The following B3GALT1 variants were observed in gnomAD, a reference collection of about 807,000 sequenced individuals.
B3GALT1 encodes UDP-Gal:betaGlcNAc beta 1,3-galactosyltransferase, polypeptide 1.
B3GALT1 carries 10 observed loss-of-function variants against 23.2 expected under a neutral mutation model. The observed-to-expected ratio is 0.43, with a 90% CI of 0.27 to 0.73. The LOEUF (loss-of-function observed/expected upper bound fraction) is 0.73. B3GALT1 is among the 30% of genes least tolerant of loss of function. The pLI is 0.21. For synonymous variants in B3GALT1, 156 were observed against 141.5 expected (o/e 1.10, Z -0.73); for missense variants, 299 against 405.4 (o/e 0.74, Z 2.25).
chr2:167,429,296 A>G (rs956842789), intron 1 of B3GALT1, among the ~76,000 whole-genome samples: 1 of 151,400 alleles, frequency 6.6e-6, no homozygotes, highest in Non-Finnish European at 1.5e-5. Flanking sequence ...AAAAAAAAAA[A>G]AAAATAAGAA....
At position 167,699,776 on chromosome 2, in the gene B3GALT1, G is replaced by A. The variant is rs565963547; in HGVS notation, c.-352+52810G>A. Among the ~76,000 whole-genome samples the A allele has an allele frequency of 5.9e-5, 9 of 152,112 alleles. No individual in the cohort carries two copies. In the East Asian group the frequency reaches 1.4e-3, roughly 23 times the overall value. On this transcript the variant is annotated intron_variant, in intron 3 of 4. Transcript: ENST00000392690. ...TGCCCAGGCTGGACTACAATGATGC[G>A]ATCTCGGCTCACTACAACCTCCACC...
chr2:167,401,643 T>G (rs1698194519), intron 1 of B3GALT1, among the ~76,000 whole-genome samples: 1 of 152,182 alleles, frequency 6.6e-6, no homozygotes, highest in South Asian at 2.1e-4. Context: ...TAGAATTCTC[T>G]GTCACTTTTG....
intron 2 of B3GALT1, among the ~76,000 whole-genome samples, chr2:167,629,981 C>T (rs1271068571): frequency 3.3e-5 from 5 of 149,670 alleles, no homozygotes; most frequent in Non-Finnish European, 7.4e-5. Context: ...TAAGTATTTT[C>T]CAACTCTAAA....
At chr2:167,535,010 G>A (rs1180753020) in intron 2 of B3GALT1, among the ~76,000 whole-genome samples, 2 of 152,180 alleles carry the variant, frequency 1.3e-5, no homozygotes, top group Admixed American at 1.3e-4. Context: ...AAAGCTAGCA[G>A]GTGGCAGAGC....
At chr2:167,587,729 A>G (rs1181100466) in intron 2 of B3GALT1, among the ~76,000 whole-genome samples, 2 of 152,222 alleles carry the variant, frequency 1.3e-5, no homozygotes, top group South Asian at 2.1e-4. Context: ...CATTTGAATT[A>G]CATCACCAAA....
At chr2:167,831,746 G>A (rs890379699) in intron 4 of B3GALT1, among the ~76,000 whole-genome samples, 6 of 152,180 alleles carry the variant, frequency 3.9e-5, no homozygotes, top group Admixed American at 3.3e-4. Context: ...AAATGAGGAA[G>A]AGAGATCAGA....
intron 2 of B3GALT1, among the ~76,000 whole-genome samples, chr2:167,514,477 C>T (rs1227110): frequency 0.046 from 7,054 of 152,148 alleles, 543 homozygotes; most frequent in African/African-American, 0.16. Flanking sequence ...TTGCAATCTC[C>T]CTTTAATGTC....
At chr2:167,387,454 T>G (rs541474711) in intron 1 of B3GALT1, among the ~76,000 whole-genome samples, 1 of 152,290 alleles carries the variant, frequency 6.6e-6, no homozygotes, top group African/African-American at 2.4e-5. Flanking sequence ...TGGCTTCTCT[T>G]TTATACATTC....
At chr2:167,595,427 A>C (rs2105419185) in intron 2 of B3GALT1, among the ~76,000 whole-genome samples, 1 of 152,362 alleles carries the variant, frequency 6.6e-6, no homozygotes, top group African/African-American at 2.4e-5. Flanking sequence ...GTTAAATCAT[A>C]GGTGACTAAA....
chr2:167,751,733 A>G (rs1687742766), intron 3 of B3GALT1, among the ~76,000 whole-genome samples: 1 of 152,150 alleles, frequency 6.6e-6, no homozygotes, highest in Non-Finnish European at 1.5e-5. Flanking sequence ...TTCACAGCTC[A>G]TTTAGTCATC....
At chr2:167,805,044 C>T (rs1376287446) in intron 3 of B3GALT1, among the ~76,000 whole-genome samples, 8 of 152,130 alleles carry the variant, frequency 5.3e-5, no homozygotes, top group East Asian at 1.9e-4. Context: ...TGGTATCTCA[C>T]TGTGGTTTTG....
intron 4 of B3GALT1, among the ~76,000 whole-genome samples, chr2:167,819,856 A>G (rs572134077): frequency 6.6e-6 from 1 of 152,344 alleles, no homozygotes; most frequent in Admixed American, 6.5e-5. Flanking sequence ...GTTGGTTTTC[A>G]CAGCCTTTGG....
At chr2:167,613,787 C>T (rs1208905229) in intron 2 of B3GALT1, among the ~76,000 whole-genome samples, 2 of 151,692 alleles carry the variant, frequency 1.3e-5, no homozygotes, top group East Asian at 1.9e-4. Context: ...TATAATAGAA[C>T]TTCCAAAATA....
chr2:167,534,308 T>A (rs1247071486), intron 2 of B3GALT1, among the ~76,000 whole-genome samples: 3 of 152,258 alleles, frequency 2.0e-5, no homozygotes, highest in Admixed American at 6.5e-5. Context: ...TCTTTTATAT[T>A]TTTGTATCTT....
At chr2:167,447,275 G>A (rs146749137) in intron 1 of B3GALT1, among the ~76,000 whole-genome samples, 2 of 152,174 alleles carry the variant, frequency 1.3e-5, no homozygotes, top group South Asian at 2.1e-4. Context: ...GGCCCCTACT[G>A]GGGGGTGCCT....
Position 167,663,562 on chromosome 2 carries a change from T to A in B3GALT1, c.-352+16596T>A, listed in dbSNP as rs1686112433. 2.0e-5 allele frequency among the ~76,000 whole-genome samples: 3 copies of A among 151,692 alleles called. 1 individual carries two copies. The highest frequency in any genetic ancestry group is 4.2e-4 in the South Asian group (2 of 4,772). ...CTGACTTCCACAATGGTTGAACTAG[T>A]TTACAGTCCCACCAACAGTGTAAAA... On this transcript the variant is annotated intron_variant, in intron 3 of 4. Transcript: ENST00000392690.
chr2:167,699,549 T>A (rs931014617), intron 3 of B3GALT1, among the ~76,000 whole-genome samples: 2 of 152,080 alleles, frequency 1.3e-5, no homozygotes, highest in African/African-American at 4.8e-5. Context: ...TACAAGTATG[T>A]ATTTAGTCTC....
At chr2:167,739,247 A>G (rs1687537814) in intron 3 of B3GALT1, among the ~76,000 whole-genome samples, 1 of 152,238 alleles carries the variant, frequency 6.6e-6, no homozygotes, top group South Asian at 2.1e-4. Flanking sequence ...TCTGAATTTA[A>G]GACTCACATG....
chr2:167,441,330 T>A (rs1440151670), intron 1 of B3GALT1, among the ~76,000 whole-genome samples: 2 of 152,234 alleles, frequency 1.3e-5, no homozygotes, highest in Non-Finnish European at 2.9e-5. Flanking sequence ...GTGAGAAATT[T>A]TGAAAGCAGA....
Sources: allele counts gnomAD v4.1 joint callset (sites outside exome capture counted in the v4.1 genomes callset), GRCh38; gene constraint gnomAD v4.1.1; transcripts MANE v1.5; gene names NCBI Gene and HGNC (gene_info 2026-07-23, HGNC 2026-07-21).